ENOX1: variants seen among roughly 807,000 people sequenced by gnomAD.
ENOX1 encodes ecto-NOX disulfide-thiol exchanger 1, also known as candidate growth-related and time keeping constitutive hydroquinone (NADH) oxidase.
ENOX1 carries 42 observed loss-of-function variants against 82.5 expected under a neutral mutation model. The ratio of observed to expected loss-of-function variants is 0.51; its 90% CI spans 0.40 to 0.66. ENOX1 has a LOEUF of 0.66. Among genes scored for constraint, ENOX1 ranks in the 30% least tolerant of loss-of-function variants. The pLI is 0.00. For synonymous variants in ENOX1, 271 were observed against 282.2 expected (o/e 0.96, Z 0.40); for missense variants, 608 against 811.6 (o/e 0.75, Z 3.05).
At chr13:43,417,936 C>T (rs991884598) in intron 3 of ENOX1, among the ~76,000 whole-genome samples, 6 of 152,260 alleles carry the variant, frequency 3.9e-5, no homozygotes, top group Admixed American at 6.5e-5. Flanking sequence ...AGGCCAGGTG[C>T]GGTGACTCAC....
Position 43,620,747 on chromosome 13 carries a change from A to G in ENOX1, c.-219+46732T>C, listed in dbSNP as rs377479881. On this transcript the variant is annotated intron_variant, in intron 2 of 16. Transcript: ENST00000690772. The stretch of plus-strand genomic sequence containing the variant: ...GGTTGTCGGATGAACTTTTCTGTAT[A>G]TATCTGTTAAGTCCATTTATTCCAA... Among the ~76,000 whole-genome samples the G allele has an allele frequency of 1.9e-3, 284 of 152,272 alleles. 1 individual carries two copies. Among genetic ancestry groups the G allele is most frequent in the African/African-American group, 5.6e-3 (234 of 41,554 alleles).
At chr13:43,486,228 C>T (rs1291512461) in intron 2 of ENOX1, among the ~76,000 whole-genome samples, 1 of 151,974 alleles carries the variant, frequency 6.6e-6, no homozygotes, top group Non-Finnish European at 1.5e-5. Flanking sequence ...AAACAAAAAA[C>T]AAAAATTAGC....
chr13:43,256,242 C>T (rs548777322), intron 14 of ENOX1, among the ~76,000 whole-genome samples: 67 of 152,180 alleles, frequency 4.4e-4, no homozygotes, highest in African/African-American at 1.1e-3. Flanking sequence ...CACTGGTCTA[C>T]GCAAAGATTT....
intron 6 of ENOX1, among the ~76,000 whole-genome samples, chr13:43,360,725 A>AG (rs2050448758): frequency 6.6e-6 from 1 of 151,246 alleles, no homozygotes; most frequent in Admixed American, 6.6e-5. Flanking sequence ...AAAAAAAAAA[A>AG]GTCCTAGCTC....
intron 5 of ENOX1, among the ~76,000 whole-genome samples, chr13:43,407,932 A>C: frequency 6.6e-6 from 1 of 152,234 alleles, no homozygotes; most frequent in East Asian, 1.9e-4. Flanking sequence ...AGAAACAATA[A>C]TGGAGGTAAG....
At chr13:43,640,039 A>C (rs1034249666) in intron 2 of ENOX1, among the ~76,000 whole-genome samples, 4 of 152,210 alleles carry the variant, frequency 2.6e-5, no homozygotes, top group African/African-American at 7.2e-5. Flanking sequence ...AAAACTAAAA[A>C]TAAAAATATT....
At chr13:43,488,271 A>T (rs1380672132) in intron 2 of ENOX1, among the ~76,000 whole-genome samples, 4 of 152,180 alleles carry the variant, frequency 2.6e-5, no homozygotes, top group African/African-American at 7.2e-5. Flanking sequence ...CAAGGCCCTT[A>T]TAAAAGAGTC....
At chr13:43,564,983 G>A (rs1038933925) in intron 2 of ENOX1, among the ~76,000 whole-genome samples, 3 of 152,144 alleles carry the variant, frequency 2.0e-5, no homozygotes, top group Non-Finnish European at 4.4e-5. Flanking sequence ...TGAACAAAGA[G>A]AAACAAGGTC....
chr13:43,556,670 T>C (rs1192798805), intron 2 of ENOX1, among the ~76,000 whole-genome samples: 3 of 151,896 alleles, frequency 2.0e-5, no homozygotes, highest in Non-Finnish European at 4.4e-5. Flanking sequence ...TTGAGTATCA[T>C]GCTTGGGCTT....
intron 3 of ENOX1, among the ~76,000 whole-genome samples, chr13:43,415,150 T>C (rs1323183364): frequency 2.0e-5 from 3 of 151,298 alleles, no homozygotes; most frequent in Admixed American, 6.6e-5. Context: ...TGGCAAGATG[T>C]GGTGTATAAA....
intron 3 of ENOX1, among the ~76,000 whole-genome samples, chr13:43,445,300 T>C (rs1471694493): frequency 6.6e-6 from 1 of 151,984 alleles, no homozygotes; most frequent in Middle Eastern, 3.2e-3. Context: ...ATTTTTTGTA[T>C]TTTTAGTAGA....
rs911925717 is a variant in ENOX1 at position 43,615,923 on chromosome 13, C to T, written c.-219+51556G>A. On this transcript the variant is annotated intron_variant, in intron 2 of 16. Transcript: ENST00000690772. Reference sequence around the variant, plus strand: ...CATGTCCCTGCAAAGTACATGAACTCGTCCTTTTTTTGTGGCTGCATAGTA... The same window carrying T: ...CATGTCCCTGCAAAGTACATGAACTTGTCCTTTTTTTGTGGCTGCATAGTA... 2.6e-5 allele frequency among the ~76,000 whole-genome samples: 4 copies of T among 151,282 alleles called. No individual in the cohort carries two copies. In the East Asian group the frequency reaches 5.9e-4, roughly 22 times the overall value.
chr13:43,414,576 C>T (rs553278207), intron 3 of ENOX1, among the ~76,000 whole-genome samples: 6 of 152,310 alleles, frequency 3.9e-5, no homozygotes, highest in East Asian at 1.9e-4. Flanking sequence ...TATTCACCAA[C>T]GATCTTTCTA....
chr13:43,294,982 G>A (rs1401766090), intron 12 of ENOX1, among the ~76,000 whole-genome samples: 1 of 152,198 alleles, frequency 6.6e-6, no homozygotes, highest in African/African-American at 2.4e-5. Flanking sequence ...CTCAAAAGGG[G>A]CAAGAGGCAG....
At chr13:43,587,771 T>C (rs956019974) in intron 2 of ENOX1, among the ~76,000 whole-genome samples, 1 of 152,220 alleles carries the variant, frequency 6.6e-6, no homozygotes, top group Non-Finnish European at 1.5e-5. Context: ...TATATATTTA[T>C]GTGGGTACAT....
intron 1 of ENOX1, among the ~76,000 whole-genome samples, chr13:43,707,740 AAAAAAAAAAAAAAAAAC>A (rs1479952143): frequency 6.8e-6 from 1 of 147,990 alleles, no homozygotes; most frequent in Non-Finnish European, 1.5e-5. Context: ...TCAAAAAAAA[AAAAAAAAAAAAAAAAAC>A]CAAGAACAAA....
rs912820164 is a variant in ENOX1 at position 43,479,697 on chromosome 13, A to C, written c.-75+4312T>G. Among the ~76,000 whole-genome samples the C allele has an allele frequency of 3.3e-5, 5 of 152,328 alleles. 1 individual carries two copies. The highest frequency in any genetic ancestry group is 1.2e-4 in the African/African-American group (5 of 41,578). ...TCAGAGTAGAAGTGCAATAGAATGG[A>C]AAGAGAATGGTACCCGGAGTTAGAA... On this transcript the variant is annotated intron_variant, in intron 3 of 16. Transcript: ENST00000690772.
intron 15 of ENOX1, among the ~76,000 whole-genome samples, chr13:43,234,795 G>A (rs947644486): frequency 6.6e-6 from 1 of 152,046 alleles, no homozygotes; most frequent in Non-Finnish European, 1.5e-5. Context: ...AATATTTGAA[G>A]TAGCCAACTG....
chr13:43,351,837 T>G (rs145376089), intron 8 of ENOX1, among the ~76,000 whole-genome samples: 2,581 of 151,876 alleles, frequency 0.017, 87 homozygotes, highest in African/African-American at 0.06. Flanking sequence ...TGTTGGACAT[T>G]TGGGTTGGTT....
Sources: gnomAD v4.1 joint callset for allele counts (sites outside exome capture counted in the v4.1 genomes callset) on GRCh38, gnomAD v4.1.1 for gene constraint, MANE v1.5 for transcripts, NCBI Gene and HGNC (gene_info 2026-07-23, HGNC 2026-07-21) for gene names.